The following VPS35L variants were observed in gnomAD, a reference collection of about 807,000 sequenced individuals.
The protein encoded by VPS35L is VPS35 endosomal protein-sorting factor-like.
A neutral mutation model predicts 133.0 loss-of-function variants in VPS35L; 83 were observed. The ratio of observed to expected loss-of-function variants is 0.62; its 90% confidence interval spans 0.52 to 0.75. The LOEUF is 0.75. VPS35L is among the 30% of genes least tolerant of loss of function. VPS35L has a pLI of 0.00. For missense variants in VPS35L, 1,083 were observed against 1,206.8 expected (o/e 0.90, Z 1.52); for synonymous variants, 423 against 449.9 (o/e 0.94, Z 0.76).
At chr16:19,678,820 A>G (rs910850639) in intron 27 of VPS35L, among the ~76,000 whole-genome samples, 5 of 152,032 alleles carry the variant, frequency 3.3e-5, no homozygotes, top group African/African-American at 4.8e-5. Flanking sequence ...CCACTGAAGC[A>G]TGGATGTCAC....
At chr16:19,646,308 A>T (rs913518510) in intron 23 of VPS35L, among the ~76,000 whole-genome samples, 1 of 151,930 alleles carries the variant, frequency 6.6e-6, no homozygotes, top group Non-Finnish European at 1.5e-5. Flanking sequence ...GAGCTCTCTT[A>T]CTTGGTGCTG....
intron 18 of VPS35L, among the ~76,000 whole-genome samples, chr16:19,630,095 A>C (rs187678616): frequency 6.6e-6 from 1 of 152,292 alleles, no homozygotes; most frequent in African/African-American, 2.4e-5. Context: ...AGATGCTTAC[A>C]TGCTAAAGTG....
intron 26 of VPS35L, among the ~76,000 whole-genome samples, chr16:19,660,973 C>T (rs773272045): frequency 6.6e-6 from 1 of 151,776 alleles, no homozygotes; most frequent in Admixed American, 6.6e-5. Flanking sequence ...TGATTTTTTT[C>T]TTTTATATAT....
chr16:19,603,639 C>T (rs190128), intron 9 of VPS35L, among the ~76,000 whole-genome samples: 6,653 of 152,224 alleles, frequency 0.044, 263 homozygotes, highest in African/African-American at 0.1. Flanking sequence ...GGGTTGGAGG[C>T]AGTGATCTGG....
intron 5 of VPS35L, chr16:19,578,804 C>G (rs975391682): frequency 1.9e-6 from 1 of 523,378 alleles, no homozygotes; most frequent in East Asian, 3.3e-5. Flanking sequence ...TTGTAAATCT[C>G]AAATGCAGCG....
intron 1 of VPS35L, among the ~76,000 whole-genome samples, chr16:19,559,473 A>T (rs978829034): frequency 5.3e-5 from 8 of 152,210 alleles, no homozygotes; most frequent in Non-Finnish European, 5.9e-5. Context: ...TTACCAGTTT[A>T]TATCAACTAT....
intron 8 of VPS35L, among the ~76,000 whole-genome samples, chr16:19,601,005 C>T (rs138592039): frequency 4.6e-5 from 7 of 152,234 alleles, no homozygotes; most frequent in East Asian, 1.9e-4. Flanking sequence ...CATGGCTCAC[C>T]GCAGCCTTGA....
chr16:19,627,703 G>GTTGAATTCT lies in VPS35L; in HGVS notation c.1282_1290dup (p.Leu428_Ser430dup), dbSNP rs1404618362. 6 of 1,613,172 alleles carry GTTGAATTCT rather than the reference G, an allele frequency of 3.7e-6. No individual in the cohort carries two copies. The African/African-American group carries it at 6.7e-5, about 18-fold the overall frequency. ...GATCTGTGTCTTGCAGTGCCTTGCT[G>GTTGAATTCT]TTGAATTCTGTGATGTCTGCCTTCC... On this transcript the variant is annotated inframe_insertion, in exon 16 of 31. Transcript: ENST00000417362.
At chr16:19,607,062 G>T (rs907503795) in intron 9 of VPS35L, among the ~76,000 whole-genome samples, 1 of 152,236 alleles carries the variant, frequency 6.6e-6, no homozygotes, top group South Asian at 2.1e-4. Flanking sequence ...GGCCTTCATG[G>T]TGTTTGTAAG....
chr16:19,649,696 A>G (rs1053302532), intron 24 of VPS35L, among the ~76,000 whole-genome samples: 1 of 152,196 alleles, frequency 6.6e-6, no homozygotes, highest in Non-Finnish European at 1.5e-5. Context: ...CAAACTTTTT[A>G]TATCTGTGGA....
chr16:19,649,616 C>T (rs574385769), intron 24 of VPS35L, among the ~76,000 whole-genome samples: 5 of 152,290 alleles, frequency 3.3e-5, no homozygotes, highest in Middle Eastern at 3.4e-3. Context: ...CCCTAAAAAA[C>T]GGTGGCGCCC....
intron 18 of VPS35L, among the ~76,000 whole-genome samples, chr16:19,630,688 CA>C (rs1346252401): frequency 1.3e-5 from 2 of 152,012 alleles, no homozygotes; most frequent in East Asian, 3.9e-4. Context: ...TGTGCCCTCC[CA>C]AAATTCATAT....
intron 21 of VPS35L, among the ~76,000 whole-genome samples, chr16:19,640,890 G>C (rs1177213379): frequency 6.6e-6 from 1 of 152,052 alleles, no homozygotes; most frequent in African/African-American, 2.4e-5. Flanking sequence ...GGGACTACAG[G>C]TGTGCCCCAC....
intron 5 of VPS35L, among the ~76,000 whole-genome samples, chr16:19,576,984 G>A (rs1342819942): frequency 2.0e-5 from 3 of 152,164 alleles, no homozygotes; most frequent in African/African-American, 4.8e-5. Flanking sequence ...TGGGATTACA[G>A]GTGTGAGCTA....
chr16:19,654,209 G>C (rs1414241373), intron 26 of VPS35L, among the ~76,000 whole-genome samples: 1 of 152,086 alleles, frequency 6.6e-6, no homozygotes, highest in Non-Finnish European at 1.5e-5. Flanking sequence ...GGCCACTCTA[G>C]CTAGAGTAGC....
At chr16:19,559,933 C>T (rs1017944956) in intron 1 of VPS35L, among the ~76,000 whole-genome samples, 1 of 152,154 alleles carries the variant, frequency 6.6e-6, no homozygotes, top group African/African-American at 2.4e-5. Context: ...GGTGACCCAC[C>T]CACCTCGGCT....
At chr16:19,665,262 A>C (rs565887887) in intron 26 of VPS35L, among the ~76,000 whole-genome samples, 1 of 152,282 alleles carries the variant, frequency 6.6e-6, no homozygotes, top group Non-Finnish European at 1.5e-5. Context: ...ATCAAATACT[A>C]GGTCTTATTC....
At chr16:19,648,860 G>A (rs558629761) in intron 24 of VPS35L, among the ~76,000 whole-genome samples, 2 of 119,684 alleles carry the variant, frequency 1.7e-5, no homozygotes, top group South Asian at 5.4e-4. Flanking sequence ...AGGCAACAAA[G>A]GGAGACTCCA....
At chr16:19,612,802 T>C (rs1041871749) in intron 12 of VPS35L, among the ~76,000 whole-genome samples, 39 of 152,318 alleles carry the variant, frequency 2.6e-4, no homozygotes, top group African/African-American at 8.9e-4. Flanking sequence ...GGGTACACGA[T>C]CATGTTTGTT....
Sources: gnomAD v4.1 joint callset for allele counts (sites outside exome capture counted in the v4.1 genomes callset) on GRCh38, gnomAD v4.1.1 for gene constraint, MANE v1.5 for transcripts, NCBI Gene and HGNC (gene_info 2026-07-23, HGNC 2026-07-21) for gene names.